Variants in AZGP1 observed in about 807,000 individuals in gnomAD.
AZGP1 encodes zinc-alpha-2-glycoprotein.
A neutral mutation model predicts 31.5 loss-of-function variants in AZGP1; 28 were observed. That is an observed-to-expected ratio of 0.89 (90% confidence interval 0.66 to 1.22). The LOEUF is 1.22. Ranked by LOEUF, AZGP1 falls within the 50% of genes most tolerant of loss-of-function variation. The probability of loss-of-function intolerance (pLI) is 0.00; values close to 1 mark genes in which losing one functional copy is unlikely to be tolerated. For synonymous variants in AZGP1, 135 were observed against 145.4 expected, an observed-to-expected ratio of 0.93 and a Z score of 0.51; for missense variants, 361 against 371.8, an observed-to-expected ratio of 0.97 and a Z score of 0.24.
Position 99,975,948 on chromosome 7 carries a change from C to T in AZGP1, c.73G>A (p.Asp25Asn). Residue 25 changes from aspartate to asparagine, a missense_variant, in exon 1 of 4, where the codon GAT becomes AAT. Asp to Asn is a conservative substitution (Grantham distance 23). Transcript: ENST00000292401. ...ATCCCTTGCTTTCCCCACTCACCATCTTGGTTCTCCTGGGGGACAGCAGGA... is the reference window on the plus strand; with the variant it reads ...ATCCCTTGCTTTCCCCACTCACCATTTTGGTTCTCCTGGGGGACAGCAGGA... Reference protein sequence around the residue: ...LGPAVPQENQDGRYSLTYIYT... With the variant: ...LGPAVPQENQNGRYSLTYIYT... 6.2e-7 allele frequency: 1 copy of T among 1,614,140 alleles called. No individual in the cohort carries two copies. Among genetic ancestry groups the T allele is most frequent in the Non-Finnish European group, 8.5e-7 (1 of 1,180,024 alleles).
At chr7:99,972,035 G>C in intron 1 of AZGP1, 29 bp from the exon 2 acceptor site, 1 of 1,578,486 alleles carries the variant, frequency 6.3e-7, no homozygotes, top group African/African-American at 1.3e-5. Flanking sequence ...TGATGGTTGA[G>C]GTCCATGCAA....
In AZGP1 at chr7:99,966,790, T is replaced by A; in HGVS notation, c.*213A>T. 1.7e-6 allele frequency: 1 copy of A among 592,470 alleles called. No homozygotes were observed. Among genetic ancestry groups the A allele is most frequent in the Non-Finnish European group, 2.8e-6 (1 of 354,006 alleles). 36.7% of individuals were successfully genotyped at this position (592,470 alleles called of 1,614,324 possible). On this transcript the variant is annotated 3_prime_UTR_variant, in exon 4 of 4. Coordinates refer to ENST00000292401, the MANE Select transcript of AZGP1 (RefSeq NM_001185.4). Reference sequence around the variant, plus strand: ...TACAGATTAGACAATGGGGTGGGGGTGGGCTCAAGGTGAGATGATTTTTTG... The same window carrying A: ...TACAGATTAGACAATGGGGTGGGGGAGGGCTCAAGGTGAGATGATTTTTTG...
intron 1 of AZGP1, among the ~76,000 whole-genome samples, chr7:99,975,423 C>A (rs1452065266): frequency 2.0e-5 from 3 of 152,182 alleles, no homozygotes; most frequent in Non-Finnish European, 4.4e-5. Flanking sequence ...TCTCCCGGAG[C>A]TCCCACTCTC....
At chr7:99,971,304 T>A (rs1470743606) in intron 2 of AZGP1, among the ~76,000 whole-genome samples, 1 of 152,148 alleles carries the variant, frequency 6.6e-6, no homozygotes, top group Non-Finnish European at 1.5e-5. Context: ...TTCAACCAGA[T>A]ATTTTGGGAA....
At position 99,966,882 on chromosome 7, in the gene AZGP1, C is replaced by G. The variant is rs1447820304; in HGVS notation, c.*121G>C. On this transcript the variant is annotated 3_prime_UTR_variant, in exon 4 of 4. Coordinates refer to ENST00000292401, the MANE Select transcript of AZGP1 (RefSeq NM_001185.4). ...CCAAATCCACCTCCTGTCTGTCCCC[C>G]CACACTGCTCCTCAGGCCTTGTGGA... The G allele has an allele frequency of 4.3e-6, 6 of 1,405,888 alleles. No individual in the cohort carries two copies. The highest frequency in any genetic ancestry group is 2.6e-4 in the Middle Eastern group (1 of 3,852). The allele number at this position is 1,405,888 out of a possible 1,614,324, so 87.1% of individuals were successfully genotyped here.
chr7:99,967,738 T>G, intron 3 of AZGP1: 1 of 443,612 alleles, frequency 2.3e-6, no homozygotes, highest in African/African-American at 2.0e-5. Context: ...GGGGCTGACA[T>G]TTTACACGCC....
chr7:99,972,061 G>A (rs1789588588), intron 1 of AZGP1, 55 bp from the exon 2 acceptor site: 1 of 1,535,058 alleles, frequency 6.5e-7, no homozygotes, highest in Non-Finnish European at 8.7e-7. Flanking sequence ...CCACTGTGGG[G>A]CTGCATAGGG....
At chr7:99,969,785 G>C (rs1034332629) in intron 2 of AZGP1, among the ~76,000 whole-genome samples, 4 of 152,162 alleles carry the variant, frequency 2.6e-5, no homozygotes, top group African/African-American at 9.7e-5. Context: ...TCTAGGAAGA[G>C]TTCATATCAT....
At chr7:99,968,485 A>C in intron 2 of AZGP1, 55 bp from the exon 3 acceptor site, 1 of 1,587,508 alleles carries the variant, frequency 6.3e-7, no homozygotes, top group South Asian at 1.1e-5. Flanking sequence ...GAAATTTATC[A>C]AAATAACTCT....
intron 2 of AZGP1, among the ~76,000 whole-genome samples, chr7:99,969,872 C>A (rs1789551143): frequency 6.6e-6 from 1 of 152,152 alleles, no homozygotes; most frequent in Non-Finnish European, 1.5e-5. Flanking sequence ...TCTCTAAAGC[C>A]CCAACCTTCT....
At chr7:99,969,450 T>C (rs1450386494) in intron 2 of AZGP1, among the ~76,000 whole-genome samples, 3 of 150,662 alleles carry the variant, frequency 2.0e-5, no homozygotes, top group Admixed American at 6.6e-5. Context: ...GACACATGCC[T>C]GTAGCCTGTA....
chr7:99,967,212 A>C lies in AZGP1; in HGVS notation c.688T>G (p.Phe230Val). ...TGCACATCAATTTTCCCTGGGTAGA[A>C]GTCGTAGGCCAGGCACTTCAGTTTC... The part of the protein sequence containing the change: ...KKKLKCLAYD[F>V]YPGKIDVHWT... The change falls in exon 4 of 4, where the codon TTC becomes GTC. Residue 230 changes from phenylalanine (F) to valine (V), a missense_variant. By Grantham distance (50) the Phe-to-Val change is conservative. Transcript: ENST00000292401. 1 of 1,613,932 alleles carries C rather than the reference A, an allele frequency of 6.2e-7. No individual in the cohort carries two copies. The highest frequency in any genetic ancestry group is 8.5e-7 in the Non-Finnish European group (1 of 1,179,932).
At position 99,972,538 on chromosome 7, in the gene AZGP1, C is replaced by G. The variant is rs191777114; in HGVS notation, c.77-532G>C. 1.2e-3 allele frequency among the ~76,000 whole-genome samples: 180 copies of G among 152,332 alleles called. No homozygotes were observed. The Middle Eastern group carries it at 0.014, about 12-fold the overall frequency. On this transcript the variant is annotated intron_variant, in intron 1 of 3. Transcript: ENST00000292401. ...TAGAAATTAACATTTCTAGGCTGGG[C>G]TCCGTGGCTCATGCCTGTAATCCCA...
At chr7:99,967,898 T>A in intron 3 of AZGP1, 1 of 609,614 alleles carries the variant, frequency 1.6e-6, no homozygotes, top group South Asian at 2.1e-5. Flanking sequence ...CCTTGTCTGT[T>A]AATTGGAGAT....
chr7:99,975,067 T>C (rs1407952782), intron 1 of AZGP1, among the ~76,000 whole-genome samples: 1 of 152,132 alleles, frequency 6.6e-6, no homozygotes, highest in Non-Finnish European at 1.5e-5. Context: ...ATCTCTACTC[T>C]CTCTCTCTTT....
rs1584298893 is a variant in AZGP1 at position 99,968,152 on chromosome 7, T to C, written c.613+3A>G. On this transcript the variant is annotated splice_donor_region_variant and intron_variant, in intron 3 of 3. Coordinates refer to ENST00000292401, the MANE Select transcript of AZGP1 (RefSeq NM_001185.4). ...GTACTGGGGAGCAGGAAGCAGTGAG[T>C]ACCTTGCCGGTCCAGGATATTTTTG... The C allele has an allele frequency of 4.3e-6, 7 of 1,613,820 alleles. No homozygotes were observed. Among genetic ancestry groups the C allele is most frequent in the Non-Finnish European group, 5.9e-6 (7 of 1,179,998 alleles).
intron 1 of AZGP1, 114 bp from the exon 2 acceptor site, chr7:99,972,120 C>T: frequency 8.2e-7 from 1 of 1,225,396 alleles, no homozygotes. Flanking sequence ...GCTCTTTCTC[C>T]TGCCATCAAC....
chr7:99,974,260 A>G (rs1789624062), intron 1 of AZGP1, among the ~76,000 whole-genome samples: 1 of 151,822 alleles, frequency 6.6e-6, no homozygotes, highest in Non-Finnish European at 1.5e-5. Context: ...AAAAATAATA[A>G]TAATAATCAT....
chr7:99,968,312 T>C lies in AZGP1; in HGVS notation c.456A>G (p.Pro152=). ...KDYIEFNKEI[P]AWVPFDPAAQ... ...CTGCTGGGTCGAAGGGGACCCAGGC[T>C]GGGATTTCTTTGTTGAATTCAATGT... The change falls in exon 3 of 4, where the codon CCA becomes CCG. Residue 152 remains proline, a synonymous_variant. Transcript: ENST00000292401. 1 of 1,613,804 alleles carries C rather than the reference T, an allele frequency of 6.2e-7. No homozygotes were observed. Among genetic ancestry groups the C allele is most frequent in the African/African-American group, 1.3e-5 (1 of 74,906 alleles).
Sources: allele counts gnomAD v4.1 joint callset (sites outside exome capture counted in the v4.1 genomes callset), GRCh38; gene constraint gnomAD v4.1.1; transcripts MANE v1.5; gene names NCBI Gene and HGNC (gene_info 2026-07-23, HGNC 2026-07-21).